The following DNAI2 variants were observed in gnomAD, a reference collection of about 807,000 sequenced individuals.
DNAI2 encodes dynein axonemal intermediate chain 2.
DNAI2 carries 63 observed loss-of-function variants against 74.7 expected under a neutral mutation model. The observed-to-expected ratio is 0.84, with a 90% CI of 0.69 to 1.04. The LOEUF is 1.04. Among genes scored for constraint, DNAI2 ranks in the 50% least tolerant of loss-of-function variants. The pLI is 0.00. For missense variants in DNAI2, 688 were observed against 803.2 expected, an observed-to-expected ratio of 0.86 and a Z score of 1.73; for synonymous variants, 289 against 314.9, an observed-to-expected ratio of 0.92 and a Z score of 0.87.
intron 8 of DNAI2, 88 bp from the exon 9 acceptor site, chr17:74,305,131 A>AC (rs1291811030): frequency 2.9e-6 from 4 of 1,391,598 alleles, no homozygotes; most frequent in South Asian, 1.2e-5. Context: ...GCGCCTGCAG[A>AC]CCCCCCAAGC....
chr17:74,314,036 G>C (rs901441774), intron 12 of DNAI2, 85 bp from the exon 13 acceptor site: 2 of 1,605,208 alleles, frequency 1.2e-6, no homozygotes, highest in Non-Finnish European at 1.7e-6. Context: ...GGCTGCTTTG[G>C]TCCTCGTGGG....
At chr17:74,313,950 A>ACTGT (rs2053678223) in intron 12 of DNAI2, 171 bp from the exon 13 acceptor site, 3 of 982,056 alleles carry the variant, frequency 3.1e-6, no homozygotes. Flanking sequence ...CACTTTCCGC[A>ACTGT]CTGTCTGGGC....
intron 9 of DNAI2, among the ~76,000 whole-genome samples, chr17:74,305,731 G>A (rs2053154815): frequency 6.8e-6 from 1 of 147,944 alleles, no homozygotes; most frequent in Non-Finnish European, 1.5e-5. Context: ...GAGTGCAGTG[G>A]CGTGATCTCG....
rs191844645 is a variant in DNAI2 at position 74,310,569 on chromosome 17, C to T, written c.1494+406C>T. On this transcript the variant is annotated intron_variant, in intron 11 of 13. Coordinates refer to ENST00000311014, the MANE Select transcript of DNAI2 (RefSeq NM_023036.6). ...TTTATTTATTTTTGAGACAAAGTCACGCTCTGTTGCCCAGGCTGGAGTGCA... is the reference window on the plus strand; with the variant it reads ...TTTATTTATTTTTGAGACAAAGTCATGCTCTGTTGCCCAGGCTGGAGTGCA... Among the ~76,000 whole-genome samples the T allele has an allele frequency of 4.9e-4, 74 of 151,636 alleles. No individual in the cohort carries two copies. The East Asian group carries it at 9.1e-3, about 19-fold the overall frequency.
At chr17:74,307,619 C>T (rs1255840397) in intron 9 of DNAI2, among the ~76,000 whole-genome samples, 3 of 151,886 alleles carry the variant, frequency 2.0e-5, no homozygotes, top group Non-Finnish European at 2.9e-5. Context: ...GCCGAGATTG[C>T]GCCACTGCAC....
intron 9 of DNAI2, among the ~76,000 whole-genome samples, chr17:74,307,673 A>G: frequency 6.6e-6 from 1 of 152,026 alleles, no homozygotes; most frequent in East Asian, 1.9e-4. Context: ...AAAAAAAAAT[A>G]ATATTTGGCA....
intron 1 of DNAI2, among the ~76,000 whole-genome samples, chr17:74,274,676 T>TG (rs2143821861): frequency 6.6e-6 from 1 of 151,796 alleles, no homozygotes; most frequent in African/African-American, 2.4e-5. Flanking sequence ...GCTGAATGGA[T>TG]GGAAAAAAAA....
At chr17:74,286,670 C>A (rs1426046911) in intron 3 of DNAI2, among the ~76,000 whole-genome samples, 1 of 152,156 alleles carries the variant, frequency 6.6e-6, no homozygotes, top group African/African-American at 2.4e-5. Flanking sequence ...AGTGATCCAC[C>A]CGCTTCGGCC....
intron 2 of DNAI2, among the ~76,000 whole-genome samples, chr17:74,283,836 T>A (rs995382931): frequency 6.6e-6 from 1 of 151,942 alleles, no homozygotes; most frequent in Admixed American, 6.6e-5. Flanking sequence ...CCCTTCAGCC[T>A]GAGAAGTCAA....
chr17:74,282,988 G>A (rs1402798440), intron 2 of DNAI2, among the ~76,000 whole-genome samples: 1 of 152,198 alleles, frequency 6.6e-6, no homozygotes. Flanking sequence ...CAGAATGGCC[G>A]CTATGTGGGC....
rs73995218 is a variant in DNAI2, at chr17:74,300,980, G to A, written c.865-66G>A. On this transcript the variant is annotated intron_variant, in intron 7 of 13. Transcript: ENST00000311014. This position sits in a 1 kb window ranked among gnomAD's most constrained non-coding sequence, Gnocchi z 4.5. ...GACCCCAGGACGGTGGGGTGAGGGC[G>A]GAGAAGGCAAAAGCCAGGGGAAATA... 130,074 of 1,603,940 alleles carry A rather than the reference G, an allele frequency of 0.081. 5,640 individuals carry two copies. The highest frequency in any genetic ancestry group is 0.13 in the Admixed American group (7,937 of 59,708).
rs1598298549 is a variant in DNAI2, at chr17:74,293,316, T to A, written c.724+2183T>A. On this transcript the variant is annotated intron_variant, in intron 6 of 13. Transcript: ENST00000311014. ...TTCAATTTTGTCAGGTTTTGCTTCC[T>A]GTATGTTAAGGCTATGTTATTAGGT... Among the ~76,000 whole-genome samples the A allele has an allele frequency of 5.3e-5, 8 of 152,238 alleles. No homozygotes were observed. The South Asian group carries it at 6.2e-4, about 12-fold the overall frequency.
Position 74,305,511 on chromosome 17 carries a change from C to T in DNAI2, c.1211+69C>T, listed in dbSNP as rs539190887. The T allele has an allele frequency of 1.1e-5, 16 of 1,447,810 alleles. No homozygotes were observed. In the African/African-American group the frequency reaches 2.1e-4, roughly 19 times the overall value. 89.7% of individuals were successfully genotyped at this position (1,447,810 alleles called of 1,614,324 possible). A position where few individuals can be genotyped will look rare whatever the true frequency, so the allele number is the denominator to read the frequency against. ...AGGGGATGGAGGGAGCCCAGCTGGGCCCCGGAGAGTCCCGAGCCTCCATAT... is the reference window on the plus strand; with the variant it reads ...AGGGGATGGAGGGAGCCCAGCTGGGTCCCGGAGAGTCCCGAGCCTCCATAT... On this transcript the variant is annotated intron_variant, in intron 9 of 13. Coordinates refer to ENST00000311014, the MANE Select transcript of DNAI2 (RefSeq NM_023036.6).
At chr17:74,307,529 C>T (rs1314536212) in intron 9 of DNAI2, among the ~76,000 whole-genome samples, 16 of 149,972 alleles carry the variant, frequency 1.1e-4, no homozygotes, top group Non-Finnish European at 3.0e-5. Flanking sequence ...ATCAGCTGGG[C>T]TTGGTGGCTA....
chr17:74,304,519 G>T (rs959327546), intron 8 of DNAI2, among the ~76,000 whole-genome samples: 3 of 152,142 alleles, frequency 2.0e-5, no homozygotes, highest in African/African-American at 7.2e-5. Flanking sequence ...CGTGATGGAG[G>T]GGGTCATGCT....
intron 3 of DNAI2, among the ~76,000 whole-genome samples, chr17:74,286,337 A>AATAATT (rs1166251625): frequency 2.1e-5 from 3 of 142,740 alleles, no homozygotes; most frequent in Non-Finnish European, 4.6e-5. Context: ...TAATAATAAT[A>AATAATT]ATTTTGTTTG....
chr17:74,301,235 A>G, intron 8 of DNAI2, 67 bp downstream of exon 8: 1 of 1,604,484 alleles, frequency 6.2e-7, no homozygotes, highest in East Asian at 2.2e-5. Flanking sequence ...AAGACAGGCC[A>G]TTGCTAGGAT....
chr17:74,289,869 C>A (rs2051981807), intron 5 of DNAI2, 133 bp downstream of exon 5: 6 of 1,047,940 alleles, frequency 5.7e-6, no homozygotes, highest in African/African-American at 4.7e-5. Flanking sequence ...GGCCCGCAGT[C>A]GAGGAGGAAC....
intron 9 of DNAI2, among the ~76,000 whole-genome samples, chr17:74,308,236 G>A (rs1000612239): frequency 1.3e-5 from 2 of 152,202 alleles, no homozygotes; most frequent in African/African-American, 4.8e-5. Context: ...ATGGAGGAAG[G>A]GAGAGGAGGT....
Sources: allele counts gnomAD v4.1 joint callset (sites outside exome capture counted in the v4.1 genomes callset), GRCh38; gene constraint gnomAD v4.1.1; non-coding constraint Gnocchi (gnomAD v3.1); transcripts MANE v1.5; gene names NCBI Gene and HGNC (gene_info 2026-07-23, HGNC 2026-07-21).